SLC16A2: variants seen among roughly 807,000 people sequenced by gnomAD.
SLC16A2 encodes the protein solute carrier family 16 member 2.
In SLC16A2, 3 loss-of-function variants were observed where a neutral mutation model predicts 27.2. The observed-to-expected ratio is 0.11, with a 90% confidence interval of 0.05 to 0.28. SLC16A2 has a LOEUF of 0.28. SLC16A2 is among the 10% of genes least tolerant of loss of function. The probability of loss-of-function intolerance (pLI) is 1.00; values close to 1 mark genes in which losing one functional copy is unlikely to be tolerated. For missense variants in SLC16A2, 295 were observed against 458.5 expected, an observed-to-expected ratio of 0.64 and a Z score of 3.26; for synonymous variants, 202 against 187.8, an observed-to-expected ratio of 1.08 and a Z score of -0.62.
At chrX:74,500,753 C>CA (rs927577387) in intron 1 of SLC16A2, among the ~76,000 whole-genome samples, 1 of 111,392 alleles carries the variant, frequency 9.0e-6, no homozygotes, top group African/African-American at 3.3e-5. Context: ...CTTTGTTTCA[C>CA]AATTGGACAA....
At chrX:74,442,223 C>T (rs1248007603) in intron 1 of SLC16A2, among the ~76,000 whole-genome samples, 6 of 87,943 alleles carry the variant, frequency 6.8e-5, no homozygotes, top group African/African-American at 1.8e-4. Flanking sequence ...ACTGAAACTC[C>T]GTCTCAAAAA....
rs1227307516 is a variant in SLC16A2 at position 74,421,822 on chromosome X, C to T, written c.185C>T (p.Ala62Val). ...QPEPQPLPDPAPLPELEFESE... is the reference protein window; with the variant it reads ...QPEPQPLPDPVPLPELEFESE... ...GAGCCCCAGCCCCTACCGGACCCCG[C>T]ACCCCTGCCGGAGCTGGAGTTCGAG... Residue 62 changes from alanine (A) to valine (V), a missense_variant, in exon 1 of 6, where the codon GCA (alanine) becomes GTA (valine). Coordinates refer to ENST00000587091, the MANE Select transcript of SLC16A2 (RefSeq NM_006517.5). 1.7e-6 allele frequency: 2 copies of T among 1,181,355 alleles called. No homozygotes were observed. The highest frequency in any genetic ancestry group is 2.3e-6 in the Non-Finnish European group (2 of 877,859).
At chrX:74,512,947 G>A (rs1208946517) in intron 1 of SLC16A2, among the ~76,000 whole-genome samples, 2 of 111,191 alleles carry the variant, frequency 1.8e-5, no homozygotes, top group African/African-American at 6.6e-5. Flanking sequence ...CTTAGGTACA[G>A]GCCTTTTGGG....
At chrX:74,493,292 G>A (rs1051121755) in intron 1 of SLC16A2, among the ~76,000 whole-genome samples, 1 of 112,215 alleles carries the variant, frequency 8.9e-6, no homozygotes, top group African/African-American at 3.2e-5. Context: ...GGAGGTTGGG[G>A]AGCGTGTTGT....
intron 1 of SLC16A2, among the ~76,000 whole-genome samples, chrX:74,496,883 G>A (rs1470210945): frequency 2.7e-5 from 3 of 112,193 alleles, no homozygotes; most frequent in South Asian, 3.8e-4. Flanking sequence ...CAAACTCCAC[G>A]TTGTTCTGCT....
At chrX:74,488,290 A>T (rs1348716968) in intron 1 of SLC16A2, among the ~76,000 whole-genome samples, 1 of 111,633 alleles carries the variant, frequency 9.0e-6, no homozygotes, top group African/African-American at 3.2e-5. Flanking sequence ...CCTGTTTTTT[A>T]AAAAATTATC....
At position 74,493,917 on chromosome X, in the gene SLC16A2, C is replaced by A. The variant is rs141414587; in HGVS notation, c.431-27073C>A. ...CCCAGCCCTGGGCCAGACTCTCAGG[C>A]GGGAACAAGCCTTCCAGCTGTGAGC... On this transcript the variant is annotated intron_variant, in intron 1 of 5. Transcript: ENST00000587091. Among the ~76,000 whole-genome samples, 773 of 111,654 alleles carry A rather than the reference C, an allele frequency of 6.9e-3. 6 individuals are homozygous for A. The highest frequency in any genetic ancestry group is 0.024 in the African/African-American group (730 of 30,711).
intron 1 of SLC16A2, among the ~76,000 whole-genome samples, chrX:74,506,589 A>G (rs779161943): frequency 9.0e-6 from 1 of 111,456 alleles, no homozygotes; most frequent in South Asian, 3.8e-4. Context: ...CTTAATGTCT[A>G]AAGAGAGAGA....
intron 1 of SLC16A2, among the ~76,000 whole-genome samples, chrX:74,432,223 G>A (rs1485838830): frequency 9.0e-6 from 1 of 111,125 alleles, no homozygotes; most frequent in East Asian, 2.8e-4. Context: ...TTCTCCTGCA[G>A]GTAACGAAGA....
rs180831876 is a variant in SLC16A2, at chrX:74,469,035, C to A, written c.430+46968C>A. 1.3e-4 allele frequency among the ~76,000 whole-genome samples: 14 copies of A among 111,688 alleles called. No homozygotes were observed. The East Asian group carries it at 3.1e-3, about 25-fold the overall frequency. On this transcript the variant is annotated intron_variant, in intron 1 of 5. Coordinates refer to ENST00000587091, the MANE Select transcript of SLC16A2 (RefSeq NM_006517.5). ...ATTCTACCCTTTACCTTCATGAGAC[C>A]AATCAACCTTTTTAGCTCCTATATA... is the stretch of plus-strand genomic sequence containing the variant.
intron 1 of SLC16A2, among the ~76,000 whole-genome samples, chrX:74,422,798 C>T (rs1056353609): frequency 8.9e-6 from 1 of 112,595 alleles, no homozygotes; most frequent in African/African-American, 3.2e-5. Context: ...AGGCGGTCTC[C>T]GCAGTCTCCT....
Position 74,524,440 on chromosome X carries a change from C to T in SLC16A2, c.657C>T (p.Ile219=). 8.3e-7 allele frequency: 1 copy of T among 1,211,872 alleles called. No homozygotes were observed. The highest frequency in any genetic ancestry group is 1.1e-6 in the Non-Finnish European group (1 of 895,560). ...TCGCCTTTCAGCCATCCCTCGTCAT[C>T]CTGGGCCACTACTTTCAACGCCGCC... The part of the protein sequence containing the change: ...CSFAFQPSLV[I]LGHYFQRRLG... The change falls in exon 3 of 6, where the codon ATC becomes ATT. Residue 219 remains isoleucine, a synonymous_variant. Coordinates refer to ENST00000587091, the MANE Select transcript of SLC16A2 (RefSeq NM_006517.5).
chrX:74,454,741 G>A lies in SLC16A2; in HGVS notation c.430+32674G>A, dbSNP rs1009463914. Among the ~76,000 whole-genome samples, 54 of 110,851 alleles carry A rather than the reference G, an allele frequency of 4.9e-4. 1 individual carries two copies. The highest frequency in any genetic ancestry group is 1.2e-3 in the Admixed American group (12 of 10,404). On this transcript the variant is annotated intron_variant, in intron 1 of 5. Transcript: ENST00000587091. ...TTAAAATAAAAAAAAAAATTCTACC[G>A]CTGGGCTTTTGACTACACTAAGCCT... is the stretch of plus-strand genomic sequence containing the variant.
chrX:74,428,496 T>G (rs1414951901), intron 1 of SLC16A2, among the ~76,000 whole-genome samples: 1 of 111,778 alleles, frequency 8.9e-6, no homozygotes, highest in Non-Finnish European at 1.9e-5. Context: ...TTCCCAGTAT[T>G]GTTCCCTCTT....
intron 1 of SLC16A2, among the ~76,000 whole-genome samples, chrX:74,496,984 C>T (rs192843463): frequency 1.5e-4 from 17 of 111,799 alleles, no homozygotes; most frequent in African/African-American, 4.2e-4. Flanking sequence ...TCCACTGATG[C>T]GCTCCTCTCT....
At chrX:74,437,591 G>A (rs1347808207) in intron 1 of SLC16A2, among the ~76,000 whole-genome samples, 1 of 112,125 alleles carries the variant, frequency 8.9e-6, no homozygotes, top group African/African-American at 3.2e-5. Context: ...CCAAAAGCAA[G>A]GTTTCCTTAG....
chrX:74,506,937 AT>A (rs34001854), intron 1 of SLC16A2, among the ~76,000 whole-genome samples: 17,459 of 83,703 alleles, frequency 0.21, 2,068 homozygotes, highest in East Asian at 0.76. Context: ...TTATTTATTT[AT>A]TTTTTTTTTT....
chrX:74,466,970 G>T (rs1241915854), intron 1 of SLC16A2, among the ~76,000 whole-genome samples: 1 of 112,538 alleles, frequency 8.9e-6, no homozygotes, highest in Non-Finnish European at 1.9e-5. Context: ...AGAACCAAAT[G>T]GAGCTAGATG....
At chrX:74,495,326 A>C (rs767038561) in intron 1 of SLC16A2, among the ~76,000 whole-genome samples, 38 of 110,755 alleles carry the variant, frequency 3.4e-4, no homozygotes, top group African/African-American at 5.6e-4. Flanking sequence ...TCAGCAGGGG[A>C]AAGGGAGTGT....
Sources: allele counts gnomAD v4.1 joint callset (sites outside exome capture counted in the v4.1 genomes callset), GRCh38; gene constraint gnomAD v4.1.1; transcripts MANE v1.5; gene names NCBI Gene and HGNC (gene_info 2026-07-23, HGNC 2026-07-21).